Variants in RAB20 observed in about 807,000 individuals in gnomAD.
RAB20 encodes the protein ras-related protein Rab-20.
Under a neutral mutation model 3.7 loss-of-function variants are expected in RAB20, and 2 were observed. The ratio of observed to expected loss-of-function variants is 0.54; its 90% confidence interval spans 0.22 to 1.69. The LOEUF (loss-of-function observed/expected upper bound fraction) is 1.69, where lower values mean the gene tolerates loss of function less well. RAB20 is among the 40% of genes most tolerant of loss of function. RAB20 has a pLI of 0.19. For missense variants in RAB20, 276 were observed against 311.9 expected (o/e 0.88, Z 0.87); for synonymous variants, 126 against 130.8 (o/e 0.96, Z 0.25).
chr13:110,558,144 G>C (rs1339171928), intron 1 of RAB20, among the ~76,000 whole-genome samples: 1 of 152,198 alleles, frequency 6.6e-6, no homozygotes, highest in Non-Finnish European at 1.5e-5. Context: ...CTGAGCAACC[G>C]GGCAACACAG....
At chr13:110,535,255 C>T (rs773862457) in intron 1 of RAB20, among the ~76,000 whole-genome samples, 1 of 152,216 alleles carries the variant, frequency 6.6e-6, no homozygotes, top group Non-Finnish European at 1.5e-5. Context: ...GTCCAAGCCA[C>T]GTGTGGCCAG....
At chr13:110,558,387 T>TTC (rs1885075312) in intron 1 of RAB20, among the ~76,000 whole-genome samples, 1 of 135,562 alleles carries the variant, frequency 7.4e-6, no homozygotes, top group South Asian at 2.5e-4. Flanking sequence ...CCACTTTTTT[T>TTC]TTTTTTTTTT....
At chr13:110,553,908 G>C (rs940794151) in intron 1 of RAB20, among the ~76,000 whole-genome samples, 3 of 152,178 alleles carry the variant, frequency 2.0e-5, no homozygotes, top group Non-Finnish European at 4.4e-5. Flanking sequence ...TTTAGCCCAG[G>C]AGTTCAAGGC....
chr13:110,554,381 G>A (rs1385472074), intron 1 of RAB20, among the ~76,000 whole-genome samples: 1 of 152,164 alleles, frequency 6.6e-6, no homozygotes, highest in Non-Finnish European at 1.5e-5. Context: ...AGGAGCAGCT[G>A]TCATGTGGCT....
At chr13:110,548,086 G>A (rs1884887038) in intron 1 of RAB20, among the ~76,000 whole-genome samples, 1 of 152,122 alleles carries the variant, frequency 6.6e-6, no homozygotes, top group African/African-American at 2.4e-5. Context: ...TAGGAAACCT[G>A]GTCAACAGAC....
At chr13:110,547,884 T>C (rs140724424) in intron 1 of RAB20, among the ~76,000 whole-genome samples, 1 of 152,326 alleles carries the variant, frequency 6.6e-6, no homozygotes, top group East Asian at 1.9e-4. Flanking sequence ...CACAACAGTA[T>C]TGCAAATAGG....
rs147693921 is a variant in RAB20, at chr13:110,524,076, C to A, written c.294G>T (p.Leu98=). The stretch of plus-strand genomic sequence containing the variant: ...GGCAGTCTTTGCTGGCTGTGTCTGT[C>A]AGGCCCAGGAACCGGTCCTCCAGCT... The part of the protein sequence containing the change: ...LVELEDRFLG[L]TDTASKDCLF... The change falls in exon 2 of 2, where the codon CTG becomes CTT. Residue 98 remains leucine, a synonymous_variant. Coordinates refer to ENST00000267328, the MANE Select transcript of RAB20 (RefSeq NM_017817.3). The A allele has an allele frequency of 3.9e-5, 63 of 1,613,864 alleles. No homozygotes were observed. The highest frequency in any genetic ancestry group is 2.2e-4 in the Admixed American group (13 of 60,020).
At chr13:110,528,412 T>TAAA (rs1884469708) in intron 1 of RAB20, among the ~76,000 whole-genome samples, 1 of 46,840 alleles carries the variant, frequency 2.1e-5, no homozygotes, top group Non-Finnish European at 4.1e-5. Context: ...AAACTCCATC[T>TAAA]CAAAAAAAAA....
At chr13:110,541,123 A>G (rs2477912) in intron 1 of RAB20, among the ~76,000 whole-genome samples, 93,692 of 151,844 alleles carry the variant, frequency 0.62, 29,199 homozygotes, top group African/African-American at 0.69. Context: ...ACCACCCCTC[A>G]CTCTAAGTAA....
At chr13:110,557,457 G>A (rs747649692) in intron 1 of RAB20, among the ~76,000 whole-genome samples, 8 of 152,208 alleles carry the variant, frequency 5.3e-5, no homozygotes, top group Non-Finnish European at 5.9e-5. Context: ...CATCCGGAAC[G>A]CCTGTGCTGG....
intron 1 of RAB20, among the ~76,000 whole-genome samples, chr13:110,539,843 A>G (rs1159065764): frequency 6.6e-6 from 1 of 152,136 alleles, no homozygotes; most frequent in Non-Finnish European, 1.5e-5. Flanking sequence ...TACAGGCATG[A>G]GCCACCGCGC....
Position 110,555,675 on chromosome 13 carries a change from T to C in RAB20, c.172+5673A>G, listed in dbSNP as rs191463456. 2.6e-5 allele frequency among the ~76,000 whole-genome samples: 4 copies of C among 152,354 alleles called. No individual in the cohort carries two copies. The East Asian group carries it at 7.7e-4, about 29-fold the overall frequency. ...CAAACGTGAATCAGCCTGTGCCTTC[T>C]GCGGGTGAAACCAGTCATCAGCCGG... On this transcript the variant is annotated intron_variant, in intron 1 of 1. Transcript: ENST00000267328. This position sits in a 1 kb window ranked among gnomAD's most constrained non-coding sequence, Gnocchi z 4.0.
At chr13:110,552,732 T>A (rs1005524025) in intron 1 of RAB20, among the ~76,000 whole-genome samples, 21 of 151,174 alleles carry the variant, frequency 1.4e-4, no homozygotes, top group African/African-American at 3.9e-4. Flanking sequence ...AATAAATAAA[T>A]AAAAATTTCT....
chr13:110,549,822 C>T (rs1480182070), intron 1 of RAB20, among the ~76,000 whole-genome samples: 2 of 151,862 alleles, frequency 1.3e-5, no homozygotes, highest in African/African-American at 4.8e-5. Context: ...CTCCTGGGTT[C>T]GAACGACCCT....
In RAB20 at chr13:110,523,666, C is replaced by G; in HGVS notation, c.704G>C (p.Ter235SerextTer51). The G allele has an allele frequency of 6.2e-7, 1 of 1,611,718 alleles. No homozygotes were observed. Among genetic ancestry groups the G allele is most frequent in the Non-Finnish European group, 8.5e-7 (1 of 1,177,970 alleles). The part of the protein sequence containing the change: ...PKRTRSGCCA[*>S] ...CTGAGTCCAGGAGGCCCTCGAAAGT[C>G]AGGCACAACACCCAGATCTGGTCCT... The change falls in exon 2 of 2, where the codon TGA (stop) becomes TCA (serine). Residue 235 changes from the stop codon to serine, a stop_lost. Transcript: ENST00000267328.
intron 1 of RAB20, among the ~76,000 whole-genome samples, chr13:110,532,496 C>T (rs1466846356): frequency 6.6e-6 from 1 of 152,080 alleles, no homozygotes; most frequent in Non-Finnish European, 1.5e-5. Context: ...CCTGCCTAAG[C>T]CTCCCTAGTA....
chr13:110,531,360 C>T (rs562134191), intron 1 of RAB20, among the ~76,000 whole-genome samples: 100 of 152,348 alleles, frequency 6.6e-4, no homozygotes, highest in African/African-American at 2.3e-3. Context: ...GCCACCTTCC[C>T]AGGAGCTCCA....
chr13:110,537,980 AAG>A (rs1333082171), intron 1 of RAB20, among the ~76,000 whole-genome samples: 5 of 152,210 alleles, frequency 3.3e-5, no homozygotes, highest in African/African-American at 1.2e-4. Context: ...TCAGGAAAAA[AAG>A]AGTTAGAAAA....
At chr13:110,534,929 G>A (rs1884612135) in intron 1 of RAB20, among the ~76,000 whole-genome samples, 1 of 152,154 alleles carries the variant, frequency 6.6e-6, no homozygotes, top group African/African-American at 2.4e-5. Flanking sequence ...ATCCTCCTGG[G>A]CTCAAGCGAT....
Sources: gnomAD v4.1 joint callset for allele counts (sites outside exome capture counted in the v4.1 genomes callset) on GRCh38, gnomAD v4.1.1 for gene constraint, Gnocchi (gnomAD v3.1) non-coding constraint, MANE v1.5 for transcripts, NCBI Gene and HGNC (gene_info 2026-07-23, HGNC 2026-07-21) for gene names.